EGFR: variants seen among roughly 807,000 people sequenced by gnomAD.
The protein encoded by EGFR is epidermal growth factor receptor, also known as avian erythroblastic leukemia viral (v-erb-b) oncogene homolog.
EGFR carries 58 observed loss-of-function variants against 143.0 expected under a neutral mutation model. That is an observed-to-expected ratio of 0.41 (90% CI 0.33 to 0.50). The LOEUF is 0.50. Ranked by LOEUF, EGFR falls within the 20% of genes least tolerant of loss-of-function variation. The probability of loss-of-function intolerance (pLI) is 0.39; values close to 1 mark genes in which losing one functional copy is unlikely to be tolerated. For synonymous variants in EGFR, 613 were observed against 594.4 expected (o/e 1.03, Z -0.45); for missense variants, 1,307 against 1,579.0 (o/e 0.83, Z 2.92).
chr7:55,105,878 T>C (rs906598229), intron 1 of EGFR, among the ~76,000 whole-genome samples: 16 of 152,270 alleles, frequency 1.1e-4, no homozygotes, highest in Non-Finnish European at 2.9e-5. Flanking sequence ...ACAAATGTTC[T>C]ATTTGATAAG....
intron 1 of EGFR, among the ~76,000 whole-genome samples, chr7:55,082,399 C>G (rs1790514647): frequency 6.6e-6 from 1 of 152,102 alleles, no homozygotes; most frequent in Non-Finnish European, 1.5e-5. Flanking sequence ...TGTTTGTTTC[C>G]CTTGTCTCCT....
intron 1 of EGFR, among the ~76,000 whole-genome samples, chr7:55,114,516 T>A (rs1792712677): frequency 6.6e-6 from 1 of 152,130 alleles, no homozygotes; most frequent in Non-Finnish European, 1.5e-5. Context: ...TTAAAACATT[T>A]AAAAATACAT....
At chr7:55,161,710 C>T (rs1785714720) in intron 13 of EGFR, 79 bp downstream of exon 13, 1 of 1,607,680 alleles carries the variant, frequency 6.2e-7, no homozygotes, top group Non-Finnish European at 8.5e-7. Flanking sequence ...TACAGGCATT[C>T]TGTTTGATTT....
In EGFR at chr7:55,151,316, T is replaced by C. The variant is rs763086693; in HGVS notation, c.582T>C (p.Cys194=). The C allele has an allele frequency of 2.5e-6, 4 of 1,614,202 alleles. No individual in the cohort carries two copies. The highest frequency in any genetic ancestry group is 3.4e-6 in the Non-Finnish European group (4 of 1,180,028). Residue 194 remains cysteine, a synonymous_variant, in exon 5 of 28, where the codon TGT becomes TGC. Transcript: ENST00000275493. ...CAGGCCAAAAGTGTGATCCAAGCTGTCCCAATGGGAGCTGCTGGGGTGCAG... is the reference window on the plus strand; with the variant it reads ...CAGGCCAAAAGTGTGATCCAAGCTGCCCCAATGGGAGCTGCTGGGGTGCAG... ...LGSCQKCDPS[C]PNGSCWGAGE...
intron 1 of EGFR, among the ~76,000 whole-genome samples, chr7:55,096,025 A>T (rs1791449723): frequency 6.6e-6 from 1 of 152,182 alleles, no homozygotes; most frequent in African/African-American, 2.4e-5. Flanking sequence ...ACGTGCAGAT[A>T]AGGTAATATT....
intron 1 of EGFR, among the ~76,000 whole-genome samples, chr7:55,128,617 G>T (rs1793663876): frequency 6.6e-6 from 1 of 152,134 alleles, no homozygotes; most frequent in South Asian, 2.1e-4. Context: ...AGCAAAGCAT[G>T]GCAATGATAT....
At chr7:55,109,589 C>G in intron 1 of EGFR, 2 of 301,168 alleles carry the variant, frequency 6.6e-6, no homozygotes, top group Non-Finnish European at 9.8e-6. Flanking sequence ...AATTCAAAGC[C>G]TTCCTCGCTT....
intron 1 of EGFR, among the ~76,000 whole-genome samples, chr7:55,093,807 A>G (rs1791277633): frequency 6.6e-6 from 1 of 152,200 alleles, no homozygotes; most frequent in East Asian, 1.9e-4. Flanking sequence ...TCTCACTTCC[A>G]TACATTTCTC....
chr7:55,027,975 TA>T (rs5884397), intron 1 of EGFR, among the ~76,000 whole-genome samples: 5,779 of 81,530 alleles, frequency 0.071, 423 homozygotes, highest in South Asian at 0.19. Context: ...TGCCTTTATG[TA>T]AAAAAAAAAA....
rs773001497 is a variant in EGFR at position 55,200,322 on chromosome 7, T to TGATAGACG, written c.2856_2863dup (p.Ala955GlyfsTer2). 6.2e-7 allele frequency: 1 copy of TGATAGACG among 1,614,164 alleles called. No homozygotes were observed. Among genetic ancestry groups the TGATAGACG allele is most frequent in the Non-Finnish European group, 8.5e-7 (1 of 1,180,004 alleles). ...TTTCTCATTCCTTCCCCAGGCTGGA[T>TGATAGACG]GATAGACGCAGATAGTCGCCCAAAG... On this transcript the variant is annotated frameshift_variant, in exon 24 of 28. Transcript: ENST00000275493. LOFTEE classifies it high-confidence loss of function.
intron 1 of EGFR, among the ~76,000 whole-genome samples, chr7:55,033,831 C>T (rs957795328): frequency 6.6e-6 from 1 of 152,182 alleles, no homozygotes; most frequent in African/African-American, 2.4e-5. Flanking sequence ...GTCTCACTTT[C>T]CCTCAAGAGT....
In EGFR at chr7:55,192,330, G is replaced by A. The variant is rs571404915; in HGVS notation, c.2626-436G>A. Among the ~76,000 whole-genome samples, 8 of 152,146 alleles carry A rather than the reference G, an allele frequency of 5.3e-5. No individual in the cohort carries two copies. In the East Asian group the frequency reaches 7.8e-4, roughly 15 times the overall value. ...AGTCCTTCTCTCCCTTCACTGGCTC[G>A]GTTTCTCTTAGGGACCCTCACAGCA... On this transcript the variant is annotated intron_variant, in intron 21 of 27. Coordinates refer to ENST00000275493, the MANE Select transcript of EGFR (RefSeq NM_005228.5).
At chr7:55,094,667 G>A (rs796944061) in intron 1 of EGFR, among the ~76,000 whole-genome samples, 16 of 152,346 alleles carry the variant, frequency 1.1e-4, no homozygotes, top group African/African-American at 3.6e-4. Flanking sequence ...GATACTCCAA[G>A]ACTTTGCATT....
At chr7:55,152,450 T>G in intron 5 of EGFR, 96 bp from the exon 6 acceptor site, 1 of 1,167,290 alleles carries the variant, frequency 8.6e-7, no homozygotes, top group Non-Finnish European at 1.3e-6. Flanking sequence ...GTGTCTTCAC[T>G]TTTTCATGAA....
chr7:55,192,694 A>C, intron 21 of EGFR, 72 bp from the exon 22 acceptor site: 1 of 1,385,986 alleles, frequency 7.2e-7, no homozygotes, highest in Non-Finnish European at 1.0e-6. Flanking sequence ...AATTAGGTCC[A>C]GAGTGAGTTA....
At chr7:55,066,418 A>T (rs536992553) in intron 1 of EGFR, among the ~76,000 whole-genome samples, 2 of 134,436 alleles carry the variant, frequency 1.5e-5, no homozygotes, top group African/African-American at 5.9e-5. Flanking sequence ...CGACAGGGCA[A>T]GGGAGCTTGG....
At chr7:55,030,702 C>G (rs1408136595) in intron 1 of EGFR, among the ~76,000 whole-genome samples, 1 of 152,190 alleles carries the variant, frequency 6.6e-6, no homozygotes, top group Non-Finnish European at 1.5e-5. Context: ...TACACTTAAC[C>G]TCTTTAGGGT....
chr7:55,163,248 A>G (rs932190461), intron 13 of EGFR, among the ~76,000 whole-genome samples: 1 of 152,222 alleles, frequency 6.6e-6, no homozygotes, highest in African/African-American at 2.4e-5. Context: ...ATTGATGTGT[A>G]CATCTTGAGG....
intron 25 of EGFR, 54 bp downstream of exon 25, chr7:55,201,409 A>C: frequency 6.2e-7 from 1 of 1,612,560 alleles, no homozygotes; most frequent in South Asian, 1.1e-5. Flanking sequence ...TCATTTGAAC[A>C]AATTGAATTT....
Sources: allele counts gnomAD v4.1 joint callset (sites outside exome capture counted in the v4.1 genomes callset), GRCh38; gene constraint gnomAD v4.1.1; transcripts MANE v1.5; gene names NCBI Gene and HGNC (gene_info 2026-07-23, HGNC 2026-07-21).